Variants in CD109 observed in about 807,000 individuals in gnomAD.
CD109 encodes the protein CD109 antigen.
A neutral mutation model predicts 165.8 loss-of-function variants in CD109; 149 were observed. The observed-to-expected ratio is 0.90, with a 90% CI of 0.79 to 1.03. The LOEUF is 1.03. CD109 is among the 50% of genes least tolerant of loss of function. CD109 has a pLI of 0.00. For synonymous variants in CD109, 585 were observed against 592.1 expected (o/e 0.99, Z 0.18); for missense variants, 1,712 against 1,677.8 (o/e 1.02, Z -0.36).
chr6:73,723,165 A>T, intron 2 of CD109, 86 bp from the exon 3 acceptor site: 9 of 1,597,044 alleles, frequency 5.6e-6, no homozygotes, highest in Non-Finnish European at 6.8e-6. Flanking sequence ...CACATGTAAG[A>T]GTATTGGGAG....
At chr6:73,730,994 TGAGA>T (rs934813281) in intron 4 of CD109, among the ~76,000 whole-genome samples, 4 of 151,950 alleles carry the variant, frequency 2.6e-5, no homozygotes, top group African/African-American at 9.7e-5. Context: ...TGTGTGTGTA[TGAGA>T]GAGAAAAAGG....
At chr6:73,711,294 A>C (rs954731980) in intron 2 of CD109, among the ~76,000 whole-genome samples, 2 of 151,950 alleles carry the variant, frequency 1.3e-5, no homozygotes, top group African/African-American at 4.8e-5. Context: ...TTTTTAGACA[A>C]TGGAACAAAA....
rs145209100 is a variant in CD109, at chr6:73,730,497, C to T, written c.430C>T (p.Gln144Ter). The T allele has an allele frequency of 1.2e-6, 2 of 1,613,958 alleles. No homozygotes were observed. Among genetic ancestry groups the T allele is most frequent in the African/African-American group, 1.3e-5 (1 of 74,916 alleles). Residue 144 changes from glutamine (Q) to a stop codon, truncating the protein, a stop_gained, in exon 4 of 33, where the codon CAA (glutamine) becomes TAA (stop). Transcript: ENST00000287097. LOFTEE classifies it high-confidence loss of function. ...AGACAAGGCCTTATACAAGCCAAAGCAAGAAGTGAAGTTTCGCATTGTTAC... is the reference window on the plus strand; with the variant it reads ...AGACAAGGCCTTATACAAGCCAAAGTAAGAAGTGAAGTTTCGCATTGTTAC... ...QTDKALYKPKQEVKFRIVTLF... is the reference protein window; with the variant it reads ...QTDKALYKPK
chr6:73,793,471 A>T lies in CD109; in HGVS notation c.2878+669A>T, dbSNP rs182015505. Among the ~76,000 whole-genome samples, 9 of 152,332 alleles carry T rather than the reference A, an allele frequency of 5.9e-5. No homozygotes were observed. The East Asian group carries it at 1.7e-3, about 29-fold the overall frequency. On this transcript the variant is annotated intron_variant, in intron 23 of 32. Coordinates refer to ENST00000287097, the MANE Select transcript of CD109 (RefSeq NM_133493.5). ...GCAGGCAGTGTTCTAAACACTTTACATCTCATACCTCATTGGAGGCTCACC... is the reference window on the plus strand; with the variant it reads ...GCAGGCAGTGTTCTAAACACTTTACTTCTCATACCTCATTGGAGGCTCACC...
intron 5 of CD109, among the ~76,000 whole-genome samples, chr6:73,745,325 G>A (rs1772942133): frequency 6.6e-6 from 1 of 152,118 alleles, no homozygotes; most frequent in Admixed American, 6.5e-5. Flanking sequence ...GGCTGGTCTT[G>A]AACTCTTGAC....
At chr6:73,732,165 C>T (rs1483244951) in intron 4 of CD109, among the ~76,000 whole-genome samples, 1 of 152,196 alleles carries the variant, frequency 6.6e-6, no homozygotes, top group Non-Finnish European at 1.5e-5. Context: ...TCCTGGGAAC[C>T]TCCTTAGTCT....
chr6:73,752,616 G>A (rs1773236286), intron 5 of CD109, among the ~76,000 whole-genome samples: 1 of 152,180 alleles, frequency 6.6e-6, no homozygotes, highest in African/African-American at 2.4e-5. Flanking sequence ...TAGAAACAGA[G>A]AGTTTCTACT....
intron 7 of CD109, among the ~76,000 whole-genome samples, chr6:73,759,547 T>C (rs1275882600): frequency 2.0e-5 from 3 of 152,198 alleles, no homozygotes; most frequent in Non-Finnish European, 4.4e-5. Flanking sequence ...GCTTCCCGGT[T>C]CTATTTGGGA....
chr6:73,771,141 A>T (rs969489277), intron 14 of CD109, among the ~76,000 whole-genome samples: 1 of 152,214 alleles, frequency 6.6e-6, no homozygotes, highest in African/African-American at 2.4e-5. Flanking sequence ...TCTACTCAGC[A>T]CTGGCTGGGA....
intron 7 of CD109, among the ~76,000 whole-genome samples, chr6:73,760,656 G>A (rs1003783610): frequency 5.9e-5 from 9 of 151,940 alleles, no homozygotes; most frequent in African/African-American, 2.2e-4. Flanking sequence ...GACCAGCCTG[G>A]CCAATATGGT....
intron 15 of CD109, among the ~76,000 whole-genome samples, chr6:73,773,449 T>C: frequency 6.6e-6 from 1 of 152,140 alleles, no homozygotes; most frequent in Admixed American, 6.5e-5. Context: ...AATCCACTTA[T>C]AAGTATGGTA....
Position 73,788,465 on chromosome 6 carries a change from C to T in CD109, c.2557-3C>T, listed in dbSNP as rs1179074954. ...TGTTAATTGTGTTCATTTTTTTCAA[C>T]AGGCTGAAGGAATAGAAAAATCATA... On this transcript the variant is annotated splice_region_variant and splice_polypyrimidine_tract_variant and intron_variant, in intron 21 of 32. Coordinates refer to ENST00000287097, the MANE Select transcript of CD109 (RefSeq NM_133493.5). 6.2e-7 allele frequency: 1 copy of T among 1,604,250 alleles called. No individual in the cohort carries two copies. Among genetic ancestry groups the T allele is most frequent in the Admixed American group, 1.8e-5 (1 of 56,680 alleles).
intron 3 of CD109, 130 bp from the exon 4 acceptor site, chr6:73,730,214 G>A: frequency 1.6e-6 from 1 of 633,392 alleles, no homozygotes; most frequent in Non-Finnish European, 2.8e-6. Flanking sequence ...TGCCTGGGAG[G>A]GGCAAATTTT....
chr6:73,765,949 A>G lies in CD109; in HGVS notation c.1127A>G (p.Asp376Gly). 1 of 1,613,876 alleles carries G rather than the reference A, an allele frequency of 6.2e-7. No homozygotes were observed. The highest frequency in any genetic ancestry group is 8.5e-7 in the Non-Finnish European group (1 of 1,179,868). ...FTATVKVTRA[D>G]GNQLTLEERR... ...CATTAGGTGAAGGTAACTCGTGCTG[A>G]TGGCAACCAACTGACTCTTGAAGAA... Residue 376 changes from aspartate (D) to glycine (G), a missense_variant, in exon 11 of 33, where the codon GAT (aspartate) becomes GGT (glycine). Coordinates refer to ENST00000287097, the MANE Select transcript of CD109 (RefSeq NM_133493.5).
intron 4 of CD109, 64 bp from the exon 5 acceptor site, chr6:73,736,319 C>T: frequency 3.8e-6 from 6 of 1,571,874 alleles, no homozygotes; most frequent in Non-Finnish European, 4.3e-6. Flanking sequence ...TTATTCCTAA[C>T]CTGATAGGAT....
chr6:73,721,116 G>A (rs1219873483), intron 2 of CD109, among the ~76,000 whole-genome samples: 1 of 152,058 alleles, frequency 6.6e-6, no homozygotes, highest in Non-Finnish European at 1.5e-5. Flanking sequence ...TCACCTTTTT[G>A]AAACACCATG....
chr6:73,816,767 G>A (rs982699433), intron 30 of CD109, among the ~76,000 whole-genome samples: 2 of 152,074 alleles, frequency 1.3e-5, no homozygotes, highest in African/African-American at 4.8e-5. Context: ...TTTTGAAAAG[G>A]GCAAAGAAGA....
intron 3 of CD109, among the ~76,000 whole-genome samples, chr6:73,726,752 T>C (rs1389407134): frequency 6.6e-6 from 1 of 152,104 alleles, no homozygotes; most frequent in Non-Finnish European, 1.5e-5. Flanking sequence ...GAAATAGATG[T>C]GCCTAAGTGA....
chr6:73,785,534 A>C lies in CD109; in HGVS notation c.2337+57A>C, dbSNP rs6453700. 473 of 979,886 alleles carry C rather than the reference A, an allele frequency of 4.8e-4. 1 individual carries two copies. The highest frequency in any genetic ancestry group is 6.6e-4 in the Admixed American group (30 of 45,258). The allele number at this position is 979,886 out of a possible 1,614,324, so 60.7% of individuals were successfully genotyped here. ...CACTACAGGAGAAAATCGAGGTAGC[A>C]TGAAGGGATTGGGTTGTGTAGTATC... On this transcript the variant is annotated intron_variant, in intron 20 of 32. Coordinates refer to ENST00000287097, the MANE Select transcript of CD109 (RefSeq NM_133493.5).
Sources: gnomAD v4.1 joint callset for allele counts (sites outside exome capture counted in the v4.1 genomes callset) on GRCh38, gnomAD v4.1.1 for gene constraint, MANE v1.5 for transcripts, NCBI Gene and HGNC (gene_info 2026-07-23, HGNC 2026-07-21) for gene names.